The following EPSTI1 variants were observed in gnomAD, a reference collection of about 807,000 sequenced individuals.
The protein encoded by EPSTI1 is epithelial stromal interaction 1.
In EPSTI1, 66 loss-of-function variants were observed where a neutral mutation model predicts 49.9. That is an observed-to-expected ratio of 1.32 (90% CI 1.08 to 1.62). The LOEUF (loss-of-function observed/expected upper bound fraction) is 1.62, where lower values mean the gene tolerates loss of function less well. Among genes scored for constraint, EPSTI1 ranks in the 40% most tolerant of loss-of-function variants. The pLI, the probability that EPSTI1 is intolerant of heterozygous loss-of-function variation, is 0.00. For synonymous variants in EPSTI1, 137 were observed against 130.7 expected, an observed-to-expected ratio of 1.05 and a Z score of -0.33; for missense variants, 394 against 365.5, an observed-to-expected ratio of 1.08 and a Z score of -0.64.
rs1555271092 is a variant in EPSTI1 at position 42,989,567 on chromosome 13, C to CTTTTTTCTTT, written c.188+2410_188+2411insAAAGAAAAAA. Among the ~76,000 whole-genome samples, 11 of 79,022 alleles carry CTTTTTTCTTT rather than the reference C, an allele frequency of 1.4e-4. 1 individual carries two copies. Among genetic ancestry groups the CTTTTTTCTTT allele is most frequent in the Non-Finnish European group, 5.0e-5 (2 of 40,258 alleles). 51.8% of individuals were successfully genotyped at this position (79,022 alleles called of 152,430 possible). On this transcript the variant is annotated intron_variant, in intron 1 of 10. Transcript: ENST00000313624. ...ATTAAAGCACTTTATCCTCTTTTTTCTTTTTTTTTTTTTTTTGCTTTTTGT... is the reference window on the plus strand; with the variant it reads ...ATTAAAGCACTTTATCCTCTTTTTTCTTTTTTCTTTTTTTTTTTTTTTTTTTGCTTTTTGT...
Position 42,917,638 on chromosome 13 carries a change from A to ACT in EPSTI1, c.658-15_658-14insAG. On this transcript the variant is annotated splice_polypyrimidine_tract_variant and intron_variant, in intron 7 of 10. Coordinates refer to ENST00000313624, the MANE Select transcript of EPSTI1 (RefSeq NM_033255.5). ...CCAGCTTCTGGCCTGTAAAGGTACA[A>ACT]AGAGAAAAAAAAAAAAAAAAACAAC... 2 of 990,214 alleles carry ACT rather than the reference A, an allele frequency of 2.0e-6. No individual in the cohort carries two copies. The highest frequency in any genetic ancestry group is 2.9e-6 in the Non-Finnish European group (2 of 680,174). 61.3% of individuals were successfully genotyped at this position (990,214 alleles called of 1,614,324 possible).
chr13:42,888,904 G>A (rs1055378385), intron 10 of EPSTI1, among the ~76,000 whole-genome samples: 9 of 152,190 alleles, frequency 5.9e-5, no homozygotes, highest in Admixed American at 5.9e-4. Context: ...CAGCAGAAAG[G>A]TGACTTCTAA....
intron 10 of EPSTI1, chr13:42,889,235 A>G (rs768826582): frequency 1.3e-6 from 2 of 1,558,608 alleles, no homozygotes; most frequent in Non-Finnish European, 1.7e-6. Context: ...AAAAACTAAT[A>G]GAGAACCCTA....
rs556995021 is a variant in EPSTI1 at position 42,964,654 on chromosome 13, T to G, written c.332-515A>C. Among the ~76,000 whole-genome samples the G allele has an allele frequency of 1.4e-3, 216 of 152,322 alleles. 1 individual carries two copies. The highest frequency in any genetic ancestry group is 1.6e-3 in the Non-Finnish European group (110 of 68,034). On this transcript the variant is annotated intron_variant, in intron 3 of 10. Transcript: ENST00000313624. Reference sequence around the variant, plus strand: ...AGCATGTAGTCTTTATAACCCAGTTTCTAAAAATACAATGGGAATATTCTA... The same window carrying G: ...AGCATGTAGTCTTTATAACCCAGTTGCTAAAAATACAATGGGAATATTCTA...
chr13:42,957,061 A>C (rs1036817406), intron 5 of EPSTI1, among the ~76,000 whole-genome samples: 1 of 152,204 alleles, frequency 6.6e-6, no homozygotes, highest in Non-Finnish European at 1.5e-5. Flanking sequence ...CATAAATTAC[A>C]AGCCCCAAGT....
intron 6 of EPSTI1, among the ~76,000 whole-genome samples, chr13:42,931,460 T>C (rs9533307): frequency 0.98 from 149,006 of 151,950 alleles, 73,107 homozygotes; most frequent in East Asian, 1. Context: ...CCGCCTCGGC[T>C]TCCCAAAGTG....
chr13:42,945,217 G>A (rs964041950), intron 6 of EPSTI1, among the ~76,000 whole-genome samples: 22 of 152,262 alleles, frequency 1.4e-4, no homozygotes, highest in Non-Finnish European at 2.5e-4. Flanking sequence ...CATCTTACAC[G>A]GCGGCAGGCA....
intron 10 of EPSTI1, among the ~76,000 whole-genome samples, chr13:42,894,675 GAAAAA>G (rs61611018): frequency 6.8e-4 from 94 of 138,718 alleles, no homozygotes; most frequent in Admixed American, 1.3e-3. Flanking sequence ...CCATATTTCT[GAAAAA>G]AAAAAAAAAA....
intron 1 of EPSTI1, among the ~76,000 whole-genome samples, chr13:42,989,974 T>C (rs2040165777): frequency 6.6e-6 from 1 of 152,040 alleles, no homozygotes; most frequent in African/African-American, 2.4e-5. Context: ...GGGCAGCGGG[T>C]AGGCAGCTAA....
chr13:42,957,336 T>A (rs966894052), intron 5 of EPSTI1, among the ~76,000 whole-genome samples: 1 of 152,154 alleles, frequency 6.6e-6, no homozygotes, highest in African/African-American at 2.4e-5. Flanking sequence ...AGAAATATGG[T>A]CTGGCCTGAA....
rs1048372484 is a variant in EPSTI1, at chr13:42,917,609, A to C, written c.673T>G (p.Tyr225Asp). 6 of 1,173,964 alleles carry C rather than the reference A, an allele frequency of 5.1e-6. No homozygotes were observed. In the African/African-American group the frequency reaches 7.4e-5, roughly 14 times the overall value. The allele number at this position is 1,173,964 out of a possible 1,614,324, so 72.7% of individuals were successfully genotyped here. ...TCTTCTGCCTTTAGAGAATCTCTGT[A>C]AGCCCAGCTTCTGGCCTGTAAAGGT... ...QSSTWARSWA[Y>D]RDSLKAEENR... The change falls in exon 8 of 11, where the codon TAC becomes GAC. Residue 225 changes from tyrosine (Y) to aspartate (D), a missense_variant. Physicochemically the swap from Tyr to Asp is radical, Grantham distance 160 (BLOSUM62 -3). Transcript: ENST00000313624.
chr13:42,949,550 C>G (rs1360194550), intron 6 of EPSTI1, among the ~76,000 whole-genome samples: 1 of 150,084 alleles, frequency 6.7e-6, no homozygotes, highest in African/African-American at 2.5e-5. Context: ...TGAGATTGAG[C>G]CACTGCACTC....
chr13:42,930,729 T>C (rs1381256267), intron 6 of EPSTI1, among the ~76,000 whole-genome samples: 3 of 152,004 alleles, frequency 2.0e-5, no homozygotes, highest in Admixed American at 6.6e-5. Flanking sequence ...TAGATAAAAA[T>C]ATAAAGAAAA....
At chr13:42,957,726 C>A (rs1403727276) in intron 5 of EPSTI1, among the ~76,000 whole-genome samples, 2 of 152,132 alleles carry the variant, frequency 1.3e-5, no homozygotes, top group African/African-American at 4.8e-5. Context: ...CAGGTACGTA[C>A]CACCACACCT....
chr13:42,945,363 C>T (rs1412559391), intron 6 of EPSTI1, among the ~76,000 whole-genome samples: 1 of 152,200 alleles, frequency 6.6e-6, no homozygotes, highest in Non-Finnish European at 1.5e-5. Flanking sequence ...CCTCCCACAA[C>T]ACATGGGAAT....
At chr13:42,896,448 T>C (rs1178314958) in intron 9 of EPSTI1, among the ~76,000 whole-genome samples, 2 of 152,190 alleles carry the variant, frequency 1.3e-5, no homozygotes, top group African/African-American at 4.8e-5. Flanking sequence ...TCCAGTCTTT[T>C]TGTCATTAAC....
chr13:42,925,195 T>TG (rs1555261886), intron 7 of EPSTI1, among the ~76,000 whole-genome samples: 1 of 152,178 alleles, frequency 6.6e-6, no homozygotes, highest in Admixed American at 6.5e-5. Flanking sequence ...ACAGAAGCCT[T>TG]GGGGGGCCTC....
intron 1 of EPSTI1, among the ~76,000 whole-genome samples, chr13:42,988,344 T>C (rs567474560): frequency 2.0e-5 from 3 of 152,356 alleles, no homozygotes; most frequent in East Asian, 3.9e-4. Flanking sequence ...GCTTTGATAT[T>C]TAAGGACAAG....
At position 42,887,948 on chromosome 13, in the gene EPSTI1, C is replaced by T. The variant is rs1438975963; in HGVS notation, c.*546G>A. On this transcript the variant is annotated 3_prime_UTR_variant, in exon 11 of 11. Transcript: ENST00000313624. ...ATGAGACCCTTCAAGAGAGAAAACC[C>T]CAATAACTTTTCATTAAAAATAAAA... 6.0e-5 allele frequency: 12 copies of T among 201,278 alleles called. No homozygotes were observed. Among genetic ancestry groups the T allele is most frequent in the Non-Finnish European group, 1.1e-4 (11 of 100,816 alleles). The allele number at this position is 201,278 out of a possible 1,614,324, so 12.5% of individuals were successfully genotyped here.
Sources: allele counts gnomAD v4.1 joint callset (sites outside exome capture counted in the v4.1 genomes callset), GRCh38; gene constraint gnomAD v4.1.1; transcripts MANE v1.5; gene names NCBI Gene and HGNC (gene_info 2026-07-23, HGNC 2026-07-21).